NSMCE2: variants seen among roughly 807,000 people sequenced by gnomAD.
NSMCE2 encodes the protein E3 SUMO-protein ligase NSE2.
NSMCE2 carries 24 observed loss-of-function variants against 23.8 expected under a neutral mutation model. That is an observed-to-expected ratio of 1.01 (90% CI 0.73 to 1.42). The LOEUF (loss-of-function observed/expected upper bound fraction) is 1.42. NSMCE2 is among the 40% of genes most tolerant of loss of function. The pLI is 0.00. For synonymous variants in NSMCE2, 92 were observed against 94.1 expected (o/e 0.98, Z 0.13); for missense variants, 284 against 296.5 (o/e 0.96, Z 0.31).
intron 5 of NSMCE2, among the ~76,000 whole-genome samples, chr8:125,288,925 G>A (rs1344427397): frequency 1.3e-5 from 2 of 152,128 alleles, no homozygotes; most frequent in Non-Finnish European, 2.9e-5. Context: ...TGCCCAGGTA[G>A]CCAGGATCAC....
intron 5 of NSMCE2, among the ~76,000 whole-genome samples, chr8:125,225,953 C>T (rs1359306910): frequency 6.6e-6 from 1 of 152,136 alleles, no homozygotes; most frequent in African/African-American, 2.4e-5. Context: ...GGACTTTTTG[C>T]CATTTAACCA....
intron 5 of NSMCE2, among the ~76,000 whole-genome samples, chr8:125,208,197 G>C (rs1824190098): frequency 1.3e-5 from 2 of 152,180 alleles, no homozygotes; most frequent in Non-Finnish European, 2.9e-5. Context: ...GGAGGTATTT[G>C]AAGTAATCTC....
chr8:125,141,408 T>C (rs944718500), intron 3 of NSMCE2, among the ~76,000 whole-genome samples: 1 of 152,226 alleles, frequency 6.6e-6, no homozygotes, highest in Admixed American at 6.5e-5. Flanking sequence ...GCATGTGCCT[T>C]CCATGCTGAC....
intron 5 of NSMCE2, among the ~76,000 whole-genome samples, chr8:125,221,183 G>A (rs1252680229): frequency 1.3e-5 from 2 of 152,142 alleles, no homozygotes; most frequent in Non-Finnish European, 2.9e-5. Context: ...GTAAACTAAA[G>A]GGGATAGTCT....
intron 5 of NSMCE2, among the ~76,000 whole-genome samples, chr8:125,316,358 A>G (rs139491062): frequency 2.5e-4 from 38 of 152,358 alleles, no homozygotes; most frequent in African/African-American, 9.1e-4. Context: ...TTGGGAAAAT[A>G]GAACTTCCAG....
intron 2 of NSMCE2, 80 bp downstream of exon 2, chr8:125,102,226 G>A: frequency 2.4e-6 from 2 of 847,564 alleles, no homozygotes; most frequent in Non-Finnish European, 3.9e-6. Flanking sequence ...GGATACATTT[G>A]TATGAATGTT....
rs149927742 is a variant in NSMCE2 at position 125,285,261 on chromosome 8, TAGG to T, written c.419-71955_419-71953del. Among the ~76,000 whole-genome samples, 897 of 152,314 alleles carry T rather than the reference TAGG, an allele frequency of 5.9e-3. 10 individuals carry two copies. Among genetic ancestry groups the T allele is most frequent in the African/African-American group, 0.019 (803 of 41,570 alleles). ...TGGAGAGAAAGATTATACCAGAGCT[TAGG>T]AGAATAAAAATAAGTCACATCGACA... On this transcript the variant is annotated intron_variant, in intron 5 of 7. Coordinates refer to ENST00000287437, the MANE Select transcript of NSMCE2 (RefSeq NM_173685.4).
At chr8:125,268,124 C>T (rs1310654771) in intron 5 of NSMCE2, among the ~76,000 whole-genome samples, 3 of 151,418 alleles carry the variant, frequency 2.0e-5, no homozygotes, top group Admixed American at 2.0e-4. Context: ...GTTTCAGCTA[C>T]TCCAGAGGCT....
intron 5 of NSMCE2, among the ~76,000 whole-genome samples, chr8:125,184,882 A>G (rs1823018064): frequency 6.6e-6 from 1 of 152,192 alleles, no homozygotes; most frequent in Non-Finnish European, 1.5e-5. Flanking sequence ...TCTGGCGGCA[A>G]GGAATTACAA....
rs186982170 is a variant in NSMCE2, at chr8:125,135,467, A to C, written c.158-15704A>C. ...ATCTAAGAAATCTTTATCTAACCCA[A>C]GTTCCCAAAGATTTTCTTCTGTATT... On this transcript the variant is annotated intron_variant, in intron 3 of 7. Coordinates refer to ENST00000287437, the MANE Select transcript of NSMCE2 (RefSeq NM_173685.4). Among the ~76,000 whole-genome samples the C allele has an allele frequency of 3.5e-3, 536 of 152,230 alleles. 3 individuals are homozygous for C. The highest frequency in any genetic ancestry group is 5.0e-3 in the Admixed American group (76 of 15,286).
intron 3 of NSMCE2, among the ~76,000 whole-genome samples, chr8:125,107,762 G>C (rs118162018): frequency 0.022 from 3,382 of 152,276 alleles, 54 homozygotes; most frequent in Middle Eastern, 0.085. Flanking sequence ...AGCTAGGCCT[G>C]GTGGCTGACA....
intron 4 of NSMCE2, among the ~76,000 whole-genome samples, chr8:125,159,523 A>C (rs1425472730): frequency 4.6e-5 from 7 of 152,216 alleles, no homozygotes; most frequent in Admixed American, 4.6e-4. Flanking sequence ...GTAGTAGGCT[A>C]TTCCATCTAG....
intron 4 of NSMCE2, among the ~76,000 whole-genome samples, chr8:125,166,723 A>G (rs1270530824): frequency 6.6e-6 from 1 of 152,150 alleles, no homozygotes; most frequent in Admixed American, 6.5e-5. Flanking sequence ...TTCTGCTACC[A>G]TCTAGTTGGG....
chr8:125,101,072 TAAAC>T (rs1818164452), intron 1 of NSMCE2, among the ~76,000 whole-genome samples: 1 of 152,214 alleles, frequency 6.6e-6, no homozygotes, highest in Non-Finnish European at 1.5e-5. Flanking sequence ...ATGTTTGAGG[TAAAC>T]AAACACTTCA....
At chr8:125,138,716 T>G (rs1477316467) in intron 3 of NSMCE2, among the ~76,000 whole-genome samples, 2 of 152,154 alleles carry the variant, frequency 1.3e-5, no homozygotes, top group African/African-American at 4.8e-5. Context: ...CAAAGGAATT[T>G]GATGATTGTT....
intron 5 of NSMCE2, among the ~76,000 whole-genome samples, chr8:125,331,271 G>A (rs1413469622): frequency 6.6e-6 from 1 of 152,192 alleles, no homozygotes; most frequent in Admixed American, 6.5e-5. Flanking sequence ...CTGCACTCCA[G>A]CCTGGGTGAC....
intron 5 of NSMCE2, among the ~76,000 whole-genome samples, chr8:125,203,109 T>C (rs545178007): frequency 6.6e-6 from 1 of 152,220 alleles, no homozygotes; most frequent in South Asian, 2.1e-4. Flanking sequence ...TTTAATACAG[T>C]AGGGATTCCT....
At chr8:125,302,752 T>A (rs1367799033) in intron 5 of NSMCE2, among the ~76,000 whole-genome samples, 3 of 152,132 alleles carry the variant, frequency 2.0e-5, no homozygotes, top group African/African-American at 7.2e-5. Context: ...CTGAGTGATT[T>A]CATGATGTCA....
rs1418160801 is a variant in NSMCE2, at chr8:125,273,856, A to C, written c.419-83363A>C. On this transcript the variant is annotated intron_variant, in intron 5 of 7. Transcript: ENST00000287437. ...GTTTGGGGTGCTGTATAAATGTTAG[A>C]GTCCCAGGATCACACAAGTGGAGTC... Among the ~76,000 whole-genome samples the C allele has an allele frequency of 4.6e-5, 7 of 152,306 alleles. No homozygotes were observed. In the East Asian group the frequency reaches 1.3e-3, roughly 29 times the overall value.
Sources: gnomAD v4.1 joint callset for allele counts (sites outside exome capture counted in the v4.1 genomes callset) on GRCh38, gnomAD v4.1.1 for gene constraint, MANE v1.5 for transcripts, NCBI Gene and HGNC (gene_info 2026-07-23, HGNC 2026-07-21) for gene names.